The following ZNF536 variants were observed in gnomAD, a reference collection of about 807,000 sequenced individuals.
ZNF536 encodes the protein zinc finger protein 536.
A neutral mutation model predicts 84.5 loss-of-function variants in ZNF536; 13 were observed. The observed-to-expected ratio is 0.15, with a 90% confidence interval of 0.10 to 0.24. The LOEUF (loss-of-function observed/expected upper bound fraction) is 0.24. Ranked by LOEUF, ZNF536 falls within the 10% of genes least tolerant of loss-of-function variation. The probability of loss-of-function intolerance (pLI) is 1.00; values close to 1 mark genes in which losing one functional copy is unlikely to be tolerated. For missense variants in ZNF536, 1,536 were observed against 1,747.5 expected, an observed-to-expected ratio of 0.88 and a Z score of 2.16; for synonymous variants, 811 against 742.5, an observed-to-expected ratio of 1.09 and a Z score of -1.50.
At position 30,446,248 on chromosome 19, in the gene ZNF536, C is replaced by CAAAAAAAAAAAAAAAAAAAAAAAAAAAA. The variant is rs1177505634; in HGVS notation, c.2170+542_2170+543insAAAAAAAAAAAAAAAAAAAAAAAAAAAA. On this transcript the variant is annotated intron_variant, in intron 2 of 4. Coordinates refer to ENST00000355537, the MANE Select transcript of ZNF536 (RefSeq NM_014717.3). ...TGAGCGACAGAGTGAGACACTGTCT[C>CAAAAAAAAAAAAAAAAAAAAAAAAAAAA]AAAAAAAAAAAAAAAAAAAAAAAAA... Among the ~76,000 whole-genome samples the CAAAAAAAAAAAAAAAAAAAAAAAAAAAA allele has an allele frequency of 1.4e-3, 40 of 29,178 alleles. 1 individual carries two copies. The highest frequency in any genetic ancestry group is 2.1e-3 in the East Asian group (2 of 954). 19.1% of individuals were successfully genotyped at this position (29,178 alleles called of 152,430 possible). A position where few individuals can be genotyped will look rare whatever the true frequency, so the allele number is the denominator to read the frequency against.
chr19:30,613,639 T>G (rs1205487686), intron 1 of ZNF536, among the ~76,000 whole-genome samples: 3 of 152,222 alleles, frequency 2.0e-5, no homozygotes, highest in African/African-American at 7.2e-5. Context: ...TTTTTTGTTT[T>G]GTTTTGTTTT....
At chr19:30,337,033 G>A (rs1188673689) in intron 2 of ZNF536, among the ~76,000 whole-genome samples, 2 of 151,926 alleles carry the variant, frequency 1.3e-5, no homozygotes, top group African/African-American at 4.8e-5. Flanking sequence ...CCTGCAACAT[G>A]GGCTATCTCT....
intron 1 of ZNF536, among the ~76,000 whole-genome samples, chr19:30,707,645 A>G (rs551386073): frequency 1.3e-5 from 2 of 152,290 alleles, no homozygotes; most frequent in East Asian, 3.9e-4. Flanking sequence ...TGAAGTGGGA[A>G]GGTTGATGAA....
At chr19:30,461,862 C>T (rs73924761) in intron 2 of ZNF536, among the ~76,000 whole-genome samples, 10,257 of 152,224 alleles carry the variant, frequency 0.067, 1,179 homozygotes, top group African/African-American at 0.24. Context: ...GGTAGAAGAA[C>T]GTTGCTGGCA....
intron 1 of ZNF536, among the ~76,000 whole-genome samples, chr19:30,704,826 T>C (rs1262335145): frequency 6.6e-6 from 1 of 151,936 alleles, no homozygotes; most frequent in African/African-American, 2.4e-5. Flanking sequence ...TCTCGCGGTG[T>C]TGTTCCATGG....
chr19:30,293,636 C>G (rs940754276), intron 2 of ZNF536, among the ~76,000 whole-genome samples: 2 of 152,200 alleles, frequency 1.3e-5, no homozygotes, highest in Admixed American at 6.5e-5. Flanking sequence ...CCTGGCAGAG[C>G]TGGACTCTTA....
At chr19:30,423,974 A>T (rs2147885505) in intron 1 of ZNF536, among the ~76,000 whole-genome samples, 1 of 152,214 alleles carries the variant, frequency 6.6e-6, no homozygotes, top group East Asian at 1.9e-4. Flanking sequence ...CAAGTTTCCC[A>T]GGGTCTGGGC....
chr19:30,252,458 G>A (rs1364760722), intron 1 of ZNF536, among the ~76,000 whole-genome samples: 1 of 152,096 alleles, frequency 6.6e-6, no homozygotes, highest in African/African-American at 2.4e-5. Flanking sequence ...GCATACCCTG[G>A]GATGAGGCAG....
intron 2 of ZNF536, among the ~76,000 whole-genome samples, chr19:30,334,099 A>T (rs1364555353): frequency 6.6e-6 from 1 of 152,226 alleles, no homozygotes. Context: ...ACTTTCAATA[A>T]AATGAAAGCT....
At chr19:30,265,867 C>T (rs2025483696) in intron 1 of ZNF536, among the ~76,000 whole-genome samples, 1 of 151,038 alleles carries the variant, frequency 6.6e-6, no homozygotes, top group Non-Finnish European at 1.5e-5. Flanking sequence ...GAAGAAGGTC[C>T]CAGGTTTTTG....
At chr19:30,398,869 A>G (rs929520537) in intron 1 of ZNF536, among the ~76,000 whole-genome samples, 3 of 152,218 alleles carry the variant, frequency 2.0e-5, no homozygotes, top group African/African-American at 4.8e-5. Context: ...TAGTGCTGCA[A>G]TAAACATATG....
chr19:30,673,179 C>T (rs2050623715), intron 1 of ZNF536, among the ~76,000 whole-genome samples: 1 of 152,190 alleles, frequency 6.6e-6, no homozygotes, highest in Non-Finnish European at 1.5e-5. Context: ...TCCAGCCCGC[C>T]TAGGACCCTT....
intron 2 of ZNF536, among the ~76,000 whole-genome samples, chr19:30,285,878 TG>T (rs1032113920): frequency 6.6e-6 from 1 of 152,194 alleles, no homozygotes; most frequent in Admixed American, 6.5e-5. Flanking sequence ...ATATGTCCCC[TG>T]GGGGGCCCAA....
chr19:30,533,552 C>T (rs989790381), intron 2 of ZNF536, among the ~76,000 whole-genome samples: 1 of 152,074 alleles, frequency 6.6e-6, no homozygotes, highest in Non-Finnish European at 1.5e-5. Flanking sequence ...ATGTGTTGTC[C>T]TTCATCTTTC....
At chr19:30,677,437 G>A (rs558929121) in intron 1 of ZNF536, among the ~76,000 whole-genome samples, 3 of 152,336 alleles carry the variant, frequency 2.0e-5, no homozygotes, top group South Asian at 2.1e-4. Context: ...CAAGGACAGG[G>A]CCCTGGCCAC....
chr19:30,430,717 C>G, intron 1 of ZNF536, among the ~76,000 whole-genome samples: 1 of 152,220 alleles, frequency 6.6e-6, no homozygotes, highest in Non-Finnish European at 1.5e-5. Flanking sequence ...CTCTTTCACC[C>G]AGGCTAGAGT....
chr19:30,463,974 C>A lies in ZNF536; in HGVS notation c.2170+18242C>A, dbSNP rs146124662. ...CTCCCTGGATGATTATTCTCCTTCA[C>A]GAGCCTAAGAGGCGGCTCTAGGAGT... is the stretch of plus-strand genomic sequence containing the variant. On this transcript the variant is annotated intron_variant, in intron 2 of 4. Coordinates refer to ENST00000355537, the MANE Select transcript of ZNF536 (RefSeq NM_014717.3). 4.6e-5 allele frequency among the ~76,000 whole-genome samples: 7 copies of A among 152,206 alleles called. No individual in the cohort carries two copies. The South Asian group carries it at 1.0e-3, about 22-fold the overall frequency.
At chr19:30,588,511 A>G (rs1042009251) in intron 1 of ZNF536, among the ~76,000 whole-genome samples, 1 of 152,084 alleles carries the variant, frequency 6.6e-6, no homozygotes. Flanking sequence ...GTGTGAGGGG[A>G]CCACTCACAC....
In ZNF536 at chr19:30,444,997, G is replaced by C. The variant is rs867334103; in HGVS notation, c.1435G>C (p.Gly479Arg). 6.2e-7 allele frequency: 1 copy of C among 1,611,228 alleles called. No individual in the cohort carries two copies. Among genetic ancestry groups the C allele is most frequent in the Non-Finnish European group, 8.5e-7 (1 of 1,178,724 alleles). The change falls in exon 2 of 5, where the codon GGC becomes CGC. Residue 479 changes from glycine to arginine, a missense_variant. Coordinates refer to ENST00000355537, the MANE Select transcript of ZNF536 (RefSeq NM_014717.3). ...GTCTCCCATCTCCAGCATGGCCCACGGCGTCCCGGAGGGGGACAAGCACTC... is the reference window on the plus strand; with the variant it reads ...GTCTCCCATCTCCAGCATGGCCCACCGCGTCCCGGAGGGGGACAAGCACTC... ...LLSPISSMAH[G>R]VPEGDKHSLL...
Sources: gnomAD v4.1 joint callset for allele counts (sites outside exome capture counted in the v4.1 genomes callset) on GRCh38, gnomAD v4.1.1 for gene constraint, MANE v1.5 for transcripts, NCBI Gene and HGNC (gene_info 2026-07-23, HGNC 2026-07-21) for gene names.